Variants in PPP2R3B observed in about 807,000 individuals in gnomAD.
PPP2R3B encodes serine/threonine-protein phosphatase 2A regulatory subunit B'' subunit beta.
Under a neutral mutation model 72.9 loss-of-function variants are expected in PPP2R3B, and 68 were observed. The ratio of observed to expected loss-of-function variants is 0.93; its 90% CI spans 0.77 to 1.14. PPP2R3B has a LOEUF of 1.14. PPP2R3B is among the 50% of genes most tolerant of loss of function. The probability of loss-of-function intolerance (pLI) is 0.00; values close to 1 mark genes in which losing one functional copy is unlikely to be tolerated. For synonymous variants in PPP2R3B, 466 were observed against 375.8 expected (o/e 1.24, Z -2.78); for missense variants, 1,018 against 842.0 (o/e 1.21, Z -2.59).
At chrX:373,732 C>A in intron 1 of PPP2R3B, 1 of 148,232 alleles carries the variant, frequency 6.7e-6, no homozygotes, top group South Asian at 1.9e-4. Flanking sequence ...CCGGGGCCGG[C>A]GGGGCGCTGC....
At chrX:350,075 A>G in intron 2 of PPP2R3B, among the ~76,000 whole-genome samples, 1 of 152,320 alleles carries the variant, frequency 6.6e-6, no homozygotes, top group Non-Finnish European at 1.5e-5. Context: ...AAGTTGGTGG[A>G]TATGAGTCCC....
intron 1 of PPP2R3B, among the ~76,000 whole-genome samples, chrX:368,708 G>C (rs1343772452): frequency 2.2e-5 from 2 of 89,970 alleles, no homozygotes; most frequent in African/African-American, 4.8e-5. Context: ...GGGCACCGAC[G>C]GGGGGAAGGC....
At position 346,681 on chromosome X, in the gene PPP2R3B, C is replaced by A. The variant is rs201960443; in HGVS notation, c.792+20G>T. The A allele has an allele frequency of 5.6e-6, 9 of 1,597,200 alleles. No individual in the cohort carries two copies. Among genetic ancestry groups the A allele is most frequent in the Non-Finnish European group, 7.7e-6 (9 of 1,169,564 alleles). On this transcript the variant is annotated intron_variant, in intron 5 of 12. Coordinates refer to ENST00000390665, the MANE Select transcript of PPP2R3B (RefSeq NM_013239.5). ...CCGCGCCCCGCGCTGGAACCGACGG[C>A]CCCTCCGCTGGGGACCCACCGTGGT...
intron 2 of PPP2R3B, among the ~76,000 whole-genome samples, chrX:350,701 C>A (rs1389360200): frequency 6.6e-6 from 1 of 152,228 alleles, no homozygotes; most frequent in Non-Finnish European, 1.5e-5. Flanking sequence ...CTGAAGACGC[C>A]AGGTCCCGCG....
At chrX:337,320 T>A (rs1416567005) in intron 12 of PPP2R3B, 1 of 152,214 alleles carries the variant, frequency 6.6e-6, no homozygotes, top group Non-Finnish European at 1.5e-5. Context: ...GACCTCGTGA[T>A]CCGCCCTCCT....
At chrX:340,383 G>A (rs2071027308) in intron 10 of PPP2R3B, among the ~76,000 whole-genome samples, 1 of 151,640 alleles carries the variant, frequency 6.6e-6, no homozygotes, top group African/African-American at 2.4e-5. Context: ...GGCACCTGTG[G>A]TGCTGGCCCT....
At chrX:351,023 G>A (rs758781846) in intron 2 of PPP2R3B, among the ~76,000 whole-genome samples, 63 of 152,288 alleles carry the variant, frequency 4.1e-4, no homozygotes, top group Admixed American at 3.7e-3. Context: ...GGGGGGCGTG[G>A]GGGACTGCAG....
At chrX:338,277 C>T in intron 12 of PPP2R3B, 1 of 491,184 alleles carries the variant, frequency 2.0e-6, no homozygotes, top group Non-Finnish European at 3.7e-6. Flanking sequence ...CAGGTGCCAG[C>T]CGTGGGATAA....
At chrX:360,825 C>G (rs1268377392) in intron 2 of PPP2R3B, among the ~76,000 whole-genome samples, 3 of 152,236 alleles carry the variant, frequency 2.0e-5, no homozygotes, top group Admixed American at 6.5e-5. Context: ...CGGACAGACA[C>G]TAAACTGAGT....
intron 2 of PPP2R3B, among the ~76,000 whole-genome samples, chrX:348,928 C>A (rs138841515): frequency 6.6e-6 from 1 of 152,046 alleles, no homozygotes; most frequent in Non-Finnish European, 1.5e-5. Flanking sequence ...AGCCTGGACG[C>A]GGTCAGGGAC....
At chrX:359,749 T>C (rs1195580077) in intron 2 of PPP2R3B, 3 of 447,618 alleles carry the variant, frequency 6.7e-6, no homozygotes, top group Non-Finnish European at 1.3e-5. Flanking sequence ...GAAGTATGTA[T>C]GTTCATACTC....
At position 338,576 on chromosome X, in the gene PPP2R3B, C is replaced by CT. The variant is rs747987804; in HGVS notation, c.1577+27_1577+28insA. On this transcript the variant is annotated intron_variant, in intron 12 of 12. Transcript: ENST00000390665. ...TCACCCGTCCTCCCACTGACCCGTC[C>CT]CCCCACTCACCCGTCCTCCCCACTC... 4.0e-5 allele frequency: 59 copies of CT among 1,460,900 alleles called. No individual in the cohort carries two copies. The East Asian group carries it at 4.8e-4, about 12-fold the overall frequency. The allele number at this position is 1,460,900 out of a possible 1,614,324, so 90.5% of individuals were successfully genotyped here. A position where few individuals can be genotyped will look rare whatever the true frequency, so the allele number is the denominator to read the frequency against.
chrX:367,798 G>A (rs1458443725), intron 1 of PPP2R3B, among the ~76,000 whole-genome samples: 2 of 152,162 alleles, frequency 1.3e-5, no homozygotes, highest in East Asian at 1.9e-4. Context: ...AGACACAGAG[G>A]ACAGAAAGAC....
chrX:353,043 G>A (rs1403681066), intron 2 of PPP2R3B, among the ~76,000 whole-genome samples: 1 of 151,932 alleles, frequency 6.6e-6, no homozygotes, highest in East Asian at 2.0e-4. Context: ...TGCTGGTCTC[G>A]TAATCCTGAG....
At position 341,408 on chromosome X, in the gene PPP2R3B, G is replaced by C. The variant is rs769562326; in HGVS notation, c.1086-12C>G. On this transcript the variant is annotated splice_polypyrimidine_tract_variant and intron_variant, in intron 8 of 12. Coordinates refer to ENST00000390665, the MANE Select transcript of PPP2R3B (RefSeq NM_013239.5). ...GCACTTTTCTGCCTCTAGATCGAAA[G>C]CCAGGATGGAGAGACGAAGATGCAT... is the stretch of plus-strand genomic sequence containing the variant. 1.9e-6 allele frequency: 3 copies of C among 1,611,882 alleles called. No individual in the cohort carries two copies. In the African/African-American group the frequency reaches 4.0e-5, roughly 21 times the overall value.
At chrX:355,825 C>CT (rs1569396875) in intron 2 of PPP2R3B, among the ~76,000 whole-genome samples, 6 of 152,212 alleles carry the variant, frequency 3.9e-5, no homozygotes, top group African/African-American at 1.4e-4. Context: ...GGCAGGTGCG[C>CT]GTCAGAAAGC....
At chrX:334,603 C>T (rs2070838464) in intron 12 of PPP2R3B, 86 bp from the exon 13 acceptor site, 1 of 1,346,508 alleles carries the variant, frequency 7.4e-7, no homozygotes, top group South Asian at 1.7e-5. Flanking sequence ...TGCTCGGCCG[C>T]CAACCTCCAG....
At chrX:376,288 C>T (rs183907748) in intron 1 of PPP2R3B, among the ~76,000 whole-genome samples, 59 of 93,070 alleles carry the variant, frequency 6.3e-4, no homozygotes, top group Admixed American at 5.3e-3. Context: ...CTGGAGCCCT[C>T]GAACCACCTC....
In PPP2R3B at chrX:338,693, G is replaced by A. The variant is rs1199207072; in HGVS notation, c.1488C>T (p.Gly496=). ...ACTTCTCCCAGTCCGAGAGCTCGGG[G>A]CCGCCGCTGTCACCGTCCTGGAGGA... ...ISLLRDGDSG[G]PELSDWEKYA... is the part of the protein sequence containing the mutation. Residue 496 remains glycine (G), a synonymous_variant, in exon 12 of 13, where the codon GGC becomes GGT. Transcript: ENST00000390665. 11 of 1,611,598 alleles carry A rather than the reference G, an allele frequency of 6.8e-6. 1 individual carries two copies. Among genetic ancestry groups the A allele is most frequent in the African/African-American group, 1.3e-5 (1 of 75,004 alleles).
Sources: gnomAD v4.1 joint callset for allele counts (sites outside exome capture counted in the v4.1 genomes callset) on GRCh38, gnomAD v4.1.1 for gene constraint, MANE v1.5 for transcripts, NCBI Gene and HGNC (gene_info 2026-07-23, HGNC 2026-07-21) for gene names.